The following KDM4C variants were observed in gnomAD, a reference collection of about 807,000 sequenced individuals.
KDM4C encodes lysine demethylase 4C.
Under a neutral mutation model 129.3 loss-of-function variants are expected in KDM4C, and 81 were observed. That is an observed-to-expected ratio of 0.63 (90% confidence interval 0.52 to 0.75). The LOEUF is 0.75. KDM4C is among the 30% of genes least tolerant of loss of function. The probability of loss-of-function intolerance (pLI) is 0.00; values close to 1 mark genes in which losing one functional copy is unlikely to be tolerated. For synonymous variants in KDM4C, 573 were observed against 456.1 expected, an observed-to-expected ratio of 1.26 and a Z score of -3.26; for missense variants, 1,457 against 1,304.0, an observed-to-expected ratio of 1.12 and a Z score of -1.81.
rs998193036 is a variant in KDM4C at position 6,745,699 on chromosome 9, C to G, written c.49+24702C>G. Among the ~76,000 whole-genome samples the G allele has an allele frequency of 3.3e-5, 5 of 151,636 alleles. No individual in the cohort carries two copies. The East Asian group carries it at 9.7e-4, about 29-fold the overall frequency. On this transcript the variant is annotated intron_variant, in intron 1 of 17. Transcript: ENST00000536108. Reference sequence around the variant, plus strand: ...TGTTGCCCTGGCTGGGGTGCAGTGGCGTGATCTTGGCTCACTGCAACCTTT... The same window carrying G: ...TGTTGCCCTGGCTGGGGTGCAGTGGGGTGATCTTGGCTCACTGCAACCTTT...
chr9:6,925,197 G>C, intron 8 of KDM4C: 2 of 985,400 alleles, frequency 2.0e-6, no homozygotes, highest in Non-Finnish European at 2.4e-6. Flanking sequence ...GGCTGTCACT[G>C]TTGGCGATAC....
chr9:6,779,046 T>TTTTTTTTTTTTTG (rs71315563), intron 1 of KDM4C, among the ~76,000 whole-genome samples: 3 of 144,358 alleles, frequency 2.1e-5, no homozygotes, highest in African/African-American at 5.3e-5. Context: ...TTTTTTTTTT[T>TTTTTTTTTTTTTG]GAGATGGAGT....
At chr9:6,746,821 A>C (rs1817891240) in intron 1 of KDM4C, among the ~76,000 whole-genome samples, 1 of 149,644 alleles carries the variant, frequency 6.7e-6, no homozygotes, top group Non-Finnish European at 1.5e-5. Flanking sequence ...ATCCTGGCTA[A>C]CACGGTGAAA....
chr9:6,874,247 T>G (rs1171243972), intron 5 of KDM4C, among the ~76,000 whole-genome samples: 1 of 152,222 alleles, frequency 6.6e-6, no homozygotes, highest in East Asian at 1.9e-4. Context: ...TTTGTAAAAA[T>G]GCAGCATCTT....
chr9:6,755,722 A>C (rs180671778), upstream of KDM4C, among the ~76,000 whole-genome samples: 376 of 152,352 alleles, frequency 2.5e-3, 2 homozygotes, highest in African/African-American at 8.7e-3. Flanking sequence ...ATCTAAATAA[A>C]AAATTTACTA....
At position 7,052,863 on chromosome 9, in the gene KDM4C, C is replaced by CAGAGAGAGAGAGAGAGAGAGAGAGAGAG. The variant is rs370475585; in HGVS notation, c.2424+3674_2424+3701dup. Among the ~76,000 whole-genome samples, 35 of 41,056 alleles carry CAGAGAGAGAGAGAGAGAGAGAGAGAGAG rather than the reference C, an allele frequency of 8.5e-4. 1 individual carries two copies. Among genetic ancestry groups the CAGAGAGAGAGAGAGAGAGAGAGAGAGAG allele is most frequent in the Admixed American group, 1.7e-3 (6 of 3,574 alleles). 26.9% of individuals were successfully genotyped at this position (41,056 alleles called of 152,430 possible). ...CTAACCAGAGCTCTGGCCACACCTGCAGAGAGAGAGAGAGAGAGAGAGAGA... is the reference window on the plus strand; with the variant it reads ...CTAACCAGAGCTCTGGCCACACCTGCAGAGAGAGAGAGAGAGAGAGAGAGAGAGAGAGAGAGAGAGAGAGAGAGAGAGA... On this transcript the variant is annotated intron_variant, in intron 17 of 21. Transcript: ENST00000381309.
At chr9:6,989,977 T>C (rs775458053) in intron 11 of KDM4C, among the ~76,000 whole-genome samples, 6 of 151,026 alleles carry the variant, frequency 4.0e-5, no homozygotes, top group Non-Finnish European at 8.9e-5. Context: ...AGAGTCTCCC[T>C]ATGTTGCCCA....
rs150617139 is a variant in KDM4C at position 7,010,186 on chromosome 9, C to T, written c.1787-1512C>T. On this transcript the variant is annotated intron_variant, in intron 12 of 21. Coordinates refer to ENST00000381309, the MANE Select transcript of KDM4C (RefSeq NM_015061.6). ...GCTATTATGGTGAGGCCAAGTGCTG[C>T]GAGAAACAGGTTACATTTAGAGTCA... Among the ~76,000 whole-genome samples, 58 of 152,186 alleles carry T rather than the reference C, an allele frequency of 3.8e-4. No homozygotes were observed. The East Asian group carries it at 8.9e-3, about 23-fold the overall frequency.
At chr9:6,971,606 A>T (rs1477890513) in intron 8 of KDM4C, among the ~76,000 whole-genome samples, 1 of 152,198 alleles carries the variant, frequency 6.6e-6, no homozygotes, top group Non-Finnish European at 1.5e-5. Context: ...CAATTTCTTA[A>T]CAAGTGTATG....
Position 6,849,456 on chromosome 9 carries a change from C to A in KDM4C, c.436-51C>A, listed in dbSNP as rs768150235. 7 of 1,424,812 alleles carry A rather than the reference C, an allele frequency of 4.9e-6. No individual in the cohort carries two copies. The African/African-American group carries it at 7.1e-5, about 14-fold the overall frequency. 88.3% of individuals were successfully genotyped at this position (1,424,812 alleles called of 1,614,324 possible). A position where few individuals can be genotyped will look rare whatever the true frequency, so the allele number is the denominator to read the frequency against. ...GGTTTGATTAGTAAATGCTATCTTT[C>A]ATGGTTTAGTAAGATTTGATTTCTC... On this transcript the variant is annotated intron_variant, in intron 4 of 21. Coordinates refer to ENST00000381309, the MANE Select transcript of KDM4C (RefSeq NM_015061.6).
At chr9:7,093,052 C>A (rs1835984306) in intron 17 of KDM4C, among the ~76,000 whole-genome samples, 2 of 152,074 alleles carry the variant, frequency 1.3e-5, no homozygotes, top group African/African-American at 4.8e-5. Flanking sequence ...AATTGCTGGG[C>A]TTGTCCAATA....
At chr9:6,917,106 T>C (rs966096832) in intron 8 of KDM4C, among the ~76,000 whole-genome samples, 2 of 152,140 alleles carry the variant, frequency 1.3e-5, no homozygotes, top group Non-Finnish European at 2.9e-5. Context: ...CAGGAGTGAA[T>C]TGGAGAATGT....
rs1249783055 is a variant in KDM4C at position 6,820,734 on chromosome 9, T to G, written c.435+5989T>G. 5.0e-4 allele frequency among the ~76,000 whole-genome samples: 67 copies of G among 134,558 alleles called. 1 individual carries two copies. The highest frequency in any genetic ancestry group is 4.6e-4 in the Non-Finnish European group (29 of 63,454). The allele number at this position is 134,558 out of a possible 152,430, so 88.3% of individuals were successfully genotyped here. On this transcript the variant is annotated intron_variant, in intron 4 of 21. Transcript: ENST00000381309. ...TCTCTCTTTTTTTTTTTTTTTTTTT[T>G]GATAATACTTCAAGTTCTAGGATAC...
At chr9:6,928,732 C>G (rs970979142) in intron 8 of KDM4C, among the ~76,000 whole-genome samples, 4 of 152,080 alleles carry the variant, frequency 2.6e-5, no homozygotes, top group Non-Finnish European at 5.9e-5. Context: ...TTCTTACCCA[C>G]TCGTTTTTGT....
At chr9:6,799,035 C>T (rs1389147353) in intron 2 of KDM4C, among the ~76,000 whole-genome samples, 3 of 142,158 alleles carry the variant, frequency 2.1e-5, no homozygotes, top group Non-Finnish European at 4.6e-5. Flanking sequence ...CTCCTCACTT[C>T]CTAGGTGGGA....
rs1290619522 is a variant in KDM4C, at chr9:6,867,015, ATAT to A, written c.630-12995_630-12993del. On this transcript the variant is annotated intron_variant, in intron 5 of 21. Coordinates refer to ENST00000381309, the MANE Select transcript of KDM4C (RefSeq NM_015061.6). ...TGTGTGTGTGTATATATATATATAT[ATAT>A]TTTTTTTTTTTTTTGGAAGATGGAA... Among the ~76,000 whole-genome samples, 8 of 114,256 alleles carry A rather than the reference ATAT, an allele frequency of 7.0e-5. No individual in the cohort carries two copies. In the South Asian group the frequency reaches 1.2e-3, roughly 17 times the overall value. 75.0% of individuals were successfully genotyped at this position (114,256 alleles called of 152,430 possible).
At chr9:7,070,238 T>C (rs773247233) in intron 17 of KDM4C, among the ~76,000 whole-genome samples, 2 of 152,204 alleles carry the variant, frequency 1.3e-5, no homozygotes, top group Non-Finnish European at 2.9e-5. Context: ...ACAAAAATCT[T>C]TCTAGAATAA....
intron 8 of KDM4C, among the ~76,000 whole-genome samples, chr9:6,956,014 G>A (rs76603398): frequency 0.024 from 3,702 of 152,226 alleles, 111 homozygotes; most frequent in East Asian, 0.14. Flanking sequence ...ACTGCAGTGT[G>A]CACATGTTCT....
chr9:7,046,849 C>G lies in KDM4C; in HGVS notation c.2260-13C>G. On this transcript the variant is annotated splice_polypyrimidine_tract_variant and intron_variant, in intron 15 of 21. Transcript: ENST00000381309. ...GGGTCTGGTCATCATGTGGTATTTTCTTTTCCCCCCAGGAATGCTGTCTCT... is the reference window on the plus strand; with the variant it reads ...GGGTCTGGTCATCATGTGGTATTTTGTTTTCCCCCCAGGAATGCTGTCTCT... 1 of 1,598,378 alleles carries G rather than the reference C, an allele frequency of 6.3e-7. No individual in the cohort carries two copies. The highest frequency in any genetic ancestry group is 8.6e-7 in the Non-Finnish European group (1 of 1,166,166).
Sources: gnomAD v4.1 joint callset for allele counts (sites outside exome capture counted in the v4.1 genomes callset) on GRCh38, gnomAD v4.1.1 for gene constraint, MANE v1.5 for transcripts, NCBI Gene and HGNC (gene_info 2026-07-23, HGNC 2026-07-21) for gene names.